Variants in NACC2 observed in about 807,000 individuals in gnomAD.
NACC2 encodes nucleus accumbens-associated protein 2.
NACC2 carries 8 observed loss-of-function variants against 25.1 expected under a neutral mutation model. The ratio of observed to expected loss-of-function variants is 0.32; its 90% CI spans 0.19 to 0.57. The LOEUF (loss-of-function observed/expected upper bound fraction) is 0.57, where lower values mean the gene tolerates loss of function less well. NACC2 is among the 20% of genes least tolerant of loss of function. NACC2 has a pLI of 0.89. For synonymous variants in NACC2, 435 were observed against 294.7 expected, an observed-to-expected ratio of 1.48 and a Z score of -4.88; for missense variants, 644 against 650.2, an observed-to-expected ratio of 0.99 and a Z score of 0.10.
In NACC2 at chr9:136,013,164, G is replaced by GCCCC; in HGVS notation, c.1255+34_1255+35insGGGG. 2.3e-6 allele frequency: 1 copy of GCCCC among 444,012 alleles called. No homozygotes were observed. The highest frequency in any genetic ancestry group is 4.4e-6 in the Non-Finnish European group (1 of 229,560). The allele number at this position is 444,012 out of a possible 1,614,324, so 27.5% of individuals were successfully genotyped here. ...CAGGCTGGGATCTGAACCCAGCCCCGGCCCCACCCACCCGAGAGACCCCCA... is the reference window on the plus strand; with the variant it reads ...CAGGCTGGGATCTGAACCCAGCCCCGCCCCGCCCCACCCACCCGAGAGACCCCCA... On this transcript the variant is annotated intron_variant, in intron 5 of 5. Transcript: ENST00000277554. The surrounding 1 kb of genome is among the most constrained non-coding windows in gnomAD (Gnocchi z 6.6).
chr9:136,051,369 C>T (rs1840832594), intron 1 of NACC2, among the ~76,000 whole-genome samples: 1 of 152,204 alleles, frequency 6.6e-6, no homozygotes, highest in African/African-American at 2.4e-5. Flanking sequence ...CCCCACCCCG[C>T]TCGCCTCGCT....
intron 1 of NACC2, among the ~76,000 whole-genome samples, chr9:136,061,154 G>A (rs1397155124): frequency 6.6e-6 from 1 of 152,070 alleles, no homozygotes; most frequent in Non-Finnish European, 1.5e-5. Context: ...AACCCCATCC[G>A]GGTCTGCACA....
chr9:136,078,886 G>C (rs1330150515), intron 1 of NACC2, among the ~76,000 whole-genome samples: 1 of 152,234 alleles, frequency 6.6e-6, no homozygotes, highest in Non-Finnish European at 1.5e-5. Flanking sequence ...TGGGTAAGCA[G>C]GGGAAGCCAA....
At chr9:136,045,340 C>T (rs4842086) in intron 2 of NACC2, among the ~76,000 whole-genome samples, 24 of 41,406 alleles carry the variant, frequency 5.8e-4, no homozygotes, top group African/African-American at 1.3e-3. Context: ...TGTCCCCTGC[C>T]AGGAAAGGGT....
chr9:136,088,631 G>A (rs189275779), intron 1 of NACC2, among the ~76,000 whole-genome samples: 1 of 152,200 alleles, frequency 6.6e-6, no homozygotes, highest in African/African-American at 2.4e-5. Context: ...TCCCAACCAC[G>A]ATGGCCTCAT....
At chr9:136,033,372 G>A (rs371324767) in intron 2 of NACC2, among the ~76,000 whole-genome samples, 4 of 152,080 alleles carry the variant, frequency 2.6e-5, no homozygotes, top group Middle Eastern at 3.4e-3. Flanking sequence ...GGCCGGGCAC[G>A]GTGGCTCACG....
chr9:136,017,737 C>T (rs1840224050), intron 2 of NACC2, among the ~76,000 whole-genome samples: 1 of 152,230 alleles, frequency 6.6e-6, no homozygotes, highest in South Asian at 2.1e-4. Context: ...CCGCCTCCCT[C>T]ATTCCTGTGT....
chr9:136,020,709 A>G lies in NACC2; in HGVS notation c.887-4280T>C, dbSNP rs1169091675. Among the ~76,000 whole-genome samples the G allele has an allele frequency of 6.6e-6, 1 of 152,238 alleles. No individual in the cohort carries two copies. Among genetic ancestry groups the G allele is most frequent in the African/African-American group, 2.4e-5 (1 of 41,456 alleles). ...CAACTGATTTTAAGACTTCCTGTACAGCTACAGTCATGAAGCCTGCATGGT... is the reference window on the plus strand; with the variant it reads ...CAACTGATTTTAAGACTTCCTGTACGGCTACAGTCATGAAGCCTGCATGGT... On this transcript the variant is annotated intron_variant, in intron 2 of 5. Transcript: ENST00000277554. The surrounding 1 kb of genome is among the most constrained non-coding windows in gnomAD (Gnocchi z 4.7).
At chr9:136,062,692 A>G (rs10776872) in intron 1 of NACC2, among the ~76,000 whole-genome samples, 62,367 of 152,060 alleles carry the variant, frequency 0.41, 13,569 homozygotes, top group Non-Finnish European at 0.48. Flanking sequence ...GCGGGGGTGG[A>G]CTGCTTGAGC....
intron 2 of NACC2, among the ~76,000 whole-genome samples, chr9:136,036,504 TATACACAC>T (rs1312051403): frequency 6.6e-6 from 1 of 152,148 alleles, no homozygotes; most frequent in African/African-American, 2.4e-5. Context: ...AATACATATA[TATACACAC>T]ATACACATAC....
rs565947292 is a variant in NACC2, at chr9:136,031,957, C to A, written c.887-15528G>T. 2.7e-4 allele frequency among the ~76,000 whole-genome samples: 38 copies of A among 142,370 alleles called. No homozygotes were observed. The East Asian group carries it at 6.7e-3, about 25-fold the overall frequency. The allele number at this position is 142,370 out of a possible 152,430, so 93.4% of individuals were successfully genotyped here. A position where few individuals can be genotyped will look rare whatever the true frequency, so the allele number is the denominator to read the frequency against. ...TATGGGCAGCTGTTAACAGCTTTCC[C>A]GATGCTAGGGCCTGGTGCTCTGCAT... On this transcript the variant is annotated intron_variant, in intron 2 of 5. Transcript: ENST00000277554.
At chr9:136,052,873 TGTG>T (rs2131165040) in intron 1 of NACC2, among the ~76,000 whole-genome samples, 1 of 152,308 alleles carries the variant, frequency 6.6e-6, no homozygotes, top group African/African-American at 2.4e-5. Context: ...GTGCAGGACT[TGTG>T]GTGGCCCCGG....
At chr9:136,051,066 AGTTTGCG>A (rs1031831832) in intron 1 of NACC2, among the ~76,000 whole-genome samples, 1 of 152,170 alleles carries the variant, frequency 6.6e-6, no homozygotes, top group African/African-American at 2.4e-5. Flanking sequence ...GGAGCTGTGC[AGTTTGCG>A]GTTTGCTTTC....
chr9:136,074,255 C>G (rs533543610), intron 1 of NACC2, among the ~76,000 whole-genome samples: 110 of 149,224 alleles, frequency 7.4e-4, no homozygotes, highest in Non-Finnish European at 1.3e-3. Context: ...TCCAGACCAT[C>G]CTGGCTAACA....
At chr9:136,014,257 T>C (rs1212012727) in intron 3 of NACC2, among the ~76,000 whole-genome samples, 2 of 148,272 alleles carry the variant, frequency 1.3e-5, no homozygotes, top group Non-Finnish European at 3.0e-5. Context: ...AACTCCAAGC[T>C]CTCCCGGCCA....
chr9:136,014,933 G>A (rs1184059001), intron 3 of NACC2, among the ~76,000 whole-genome samples: 1 of 152,200 alleles, frequency 6.6e-6, no homozygotes, highest in Non-Finnish European at 1.5e-5. Flanking sequence ...ACAATGGGGA[G>A]GGAATGCTTT....
intron 2 of NACC2, among the ~76,000 whole-genome samples, chr9:136,023,601 G>A (rs1564221066): frequency 6.6e-6 from 1 of 152,224 alleles, no homozygotes; most frequent in Non-Finnish European, 1.5e-5. Flanking sequence ...AAGTGGTCCA[G>A]GCCTCCGACA....
chr9:136,042,645 G>GAC (rs1052240135), intron 2 of NACC2, among the ~76,000 whole-genome samples: 6 of 151,116 alleles, frequency 4.0e-5, no homozygotes, highest in African/African-American at 9.7e-5. Flanking sequence ...CAGACTCACA[G>GAC]ACACACACAC....
intron 1 of NACC2, among the ~76,000 whole-genome samples, chr9:136,082,801 C>T (rs1201943008): frequency 1.3e-5 from 2 of 152,210 alleles, no homozygotes; most frequent in Non-Finnish European, 2.9e-5. Context: ...CCACAGACGC[C>T]CCGTTCTCTG....
Sources: gnomAD v4.1 joint callset for allele counts (sites outside exome capture counted in the v4.1 genomes callset) on GRCh38, gnomAD v4.1.1 for gene constraint, Gnocchi (gnomAD v3.1) non-coding constraint, MANE v1.5 for transcripts, NCBI Gene and HGNC (gene_info 2026-07-23, HGNC 2026-07-21) for gene names.